SLC36A1: variants seen among roughly 807,000 people sequenced by gnomAD.
SLC36A1 encodes solute carrier family 36 member 1.
In SLC36A1, 30 loss-of-function variants were observed where a neutral mutation model predicts 47.5. That is an observed-to-expected ratio of 0.63 (90% CI 0.47 to 0.86). The LOEUF (loss-of-function observed/expected upper bound fraction) is 0.86. Ranked by LOEUF, SLC36A1 falls within the 40% of genes least tolerant of loss-of-function variation. SLC36A1 has a pLI of 0.00. For missense variants in SLC36A1, 517 were observed against 606.0 expected, an observed-to-expected ratio of 0.85 and a Z score of 1.54; for synonymous variants, 255 against 249.7, an observed-to-expected ratio of 1.02 and a Z score of -0.20.
At chr5:151,536,354 C>T in the SLC36A1 span, among the ~76,000 whole-genome samples, 1 of 152,120 alleles carries the variant, frequency 6.6e-6, no homozygotes, top group Non-Finnish European at 1.5e-5. Context: ...CAGCATTGTC[C>T]CCTATCTACC....
the SLC36A1 span, among the ~76,000 whole-genome samples, chr5:151,359,843 A>G: frequency 4.6e-5 from 7 of 152,224 alleles, no homozygotes; most frequent in Admixed American, 3.9e-4. Context: ...TGCTGTAGAA[A>G]CAAACCAATA....
the SLC36A1 span, chr5:151,531,506 G>C: frequency 1.3e-6 from 2 of 1,566,754 alleles, no homozygotes; most frequent in Non-Finnish European, 1.7e-6. This position sits in a 1 kb window ranked among gnomAD's most constrained non-coding sequence, Gnocchi z 5.7. Context: ...GCACAGGGTA[G>C]ATACCCACAC....
At chr5:151,425,458 GC>G in the SLC36A1 span, 2 of 152,404 alleles carry the variant, frequency 1.3e-5, no homozygotes, top group African/African-American at 4.8e-5. Context: ...TGGCCCCAGA[GC>G]CAACTGCCTG....
chr5:151,344,920 A>G, the SLC36A1 span, among the ~76,000 whole-genome samples: 3 of 152,190 alleles, frequency 2.0e-5, no homozygotes, highest in Non-Finnish European at 4.4e-5. Flanking sequence ...CTGGGTCCCC[A>G]GATGAGGTCT....
Position 151,464,539 on chromosome 5 carries a change from T to G in SLC36A1, c.260T>G (p.Ile87Arg). Residue 87 changes from isoleucine (I) to arginine (R), a missense_variant, in exon 4 of 11, where the codon ATA becomes AGA. Ile to Arg is a moderately conservative substitution (Grantham distance 97). Transcript: ENST00000243389. The stretch of plus-strand genomic sequence containing the variant: ...ATGGGTCCCATCAGCCTGCTGATCA[T>G]AGGCATCGTGGCCGTGCACTGCATG... ...IVMGPISLLIIGIVAVHCMGI... is the reference protein window; with the variant it reads ...IVMGPISLLIRGIVAVHCMGI... 1 of 1,614,098 alleles carries G rather than the reference T, an allele frequency of 6.2e-7. No individual in the cohort carries two copies. The highest frequency in any genetic ancestry group is 8.5e-7 in the Non-Finnish European group (1 of 1,180,020).
chr5:151,546,482 T>C, the SLC36A1 span: 1 of 599,568 alleles, frequency 1.7e-6, no homozygotes, highest in African/African-American at 1.9e-5. Context: ...ATATAGTGTA[T>C]AGAGTAGATA....
chr5:151,499,921 C>T, the SLC36A1 span, among the ~76,000 whole-genome samples: 2 of 152,184 alleles, frequency 1.3e-5, no homozygotes, highest in African/African-American at 4.8e-5. Context: ...CCTGCCCCTC[C>T]CTTCTGGCCT....
the SLC36A1 span, chr5:151,543,628 A>C: frequency 6.2e-7 from 1 of 1,614,120 alleles, no homozygotes; most frequent in Non-Finnish European, 8.5e-7. Context: ...CAAATCAATC[A>C]CCTTGGTTCC....
chr5:151,480,818 G>A (rs1164214464), intron 10 of SLC36A1, among the ~76,000 whole-genome samples: 1 of 152,160 alleles, frequency 6.6e-6, no homozygotes, highest in Non-Finnish European at 1.5e-5. Context: ...AACTCTGAGG[G>A]CCCAATTCTT....
the SLC36A1 span, among the ~76,000 whole-genome samples, chr5:151,502,274 T>C: frequency 6.9e-6 from 1 of 145,726 alleles, no homozygotes; most frequent in Non-Finnish European, 1.5e-5. Flanking sequence ...ACTGTGCCAC[T>C]GCACTTCAGC....
upstream of SLC36A1, among the ~76,000 whole-genome samples, chr5:151,435,850 A>T (rs995382340): frequency 8.8e-6 from 1 of 114,148 alleles, no homozygotes; most frequent in Non-Finnish European, 1.8e-5. Context: ...TTAATACAAT[A>T]AATAGAATAA....
At chr5:151,484,335 A>G (rs1581218977) in intron 10 of SLC36A1, among the ~76,000 whole-genome samples, 1 of 152,316 alleles carries the variant, frequency 6.6e-6, no homozygotes, top group East Asian at 1.9e-4. Context: ...TGTGGCTGGG[A>G]CTGAAGGAAT....
At chr5:151,545,142 A>T in the SLC36A1 span, 1 of 1,614,160 alleles carries the variant, frequency 6.2e-7, no homozygotes, top group Admixed American at 1.7e-5. Context: ...CATTCAAATG[A>T]TTGCCCTGGG....
chr5:151,521,781 G>A, the SLC36A1 span: 1 of 1,614,162 alleles, frequency 6.2e-7, no homozygotes, highest in South Asian at 1.1e-5. Flanking sequence ...TCCCATCGCT[G>A]ACCGTGACGT....
upstream of SLC36A1, among the ~76,000 whole-genome samples, chr5:151,445,285 C>T (rs143048818): frequency 1.4e-4 from 22 of 152,192 alleles, no homozygotes; most frequent in East Asian, 3.5e-3. Context: ...TATTATATTG[C>T]TTGATTAGTG....
At chr5:151,505,423 C>T in the SLC36A1 span, 1 of 981,532 alleles carries the variant, frequency 1.0e-6, no homozygotes, top group Non-Finnish European at 1.5e-6. Flanking sequence ...ATTGGAAGAG[C>T]ACATTTCAAG....
the SLC36A1 span, chr5:151,544,461 A>C: frequency 6.2e-7 from 1 of 1,614,214 alleles, no homozygotes; most frequent in South Asian, 1.1e-5. Context: ...TTAGGACACC[A>C]GTCTTGAAGT....
At chr5:151,505,835 C>T in the SLC36A1 span, 5 of 1,613,296 alleles carry the variant, frequency 3.1e-6, no homozygotes, top group South Asian at 4.4e-5. Context: ...CCAGGCGCTC[C>T]CGGGGACTAG....
chr5:151,363,337 CAA>C, the SLC36A1 span, among the ~76,000 whole-genome samples: 1 of 152,150 alleles, frequency 6.6e-6, no homozygotes, highest in East Asian at 1.9e-4. Flanking sequence ...TCTGAGTTTT[CAA>C]ACACTTGGTG....
Sources: allele counts gnomAD v4.1 joint callset (sites outside exome capture counted in the v4.1 genomes callset), GRCh38; gene constraint gnomAD v4.1.1; non-coding constraint Gnocchi (gnomAD v3.1); transcripts MANE v1.5; gene names NCBI Gene and HGNC (gene_info 2026-07-23, HGNC 2026-07-21).